DUSP15: variants seen among roughly 807,000 people sequenced by gnomAD.
The protein encoded by DUSP15 is dual specificity phosphatase 15, also known as dual specificity protein phosphatase 15.
Under a neutral mutation model 26.3 loss-of-function variants are expected in DUSP15, and 23 were observed. The observed-to-expected ratio is 0.87, with a 90% CI of 0.63 to 1.24. DUSP15 has a LOEUF of 1.24. Among genes scored for constraint, DUSP15 ranks in the 50% most tolerant of loss-of-function variants. The pLI is 0.00. For synonymous variants in DUSP15, 143 were observed against 135.5 expected, an observed-to-expected ratio of 1.06 and a Z score of -0.39; for missense variants, 364 against 320.6, an observed-to-expected ratio of 1.14 and a Z score of -1.03.
rs770083347 is a variant in DUSP15, at chr20:31,867,106, T to A, written c.103A>T (p.Ile35Phe). 12 of 1,591,224 alleles carry A rather than the reference T, an allele frequency of 7.5e-6. No homozygotes were observed. In the East Asian group the frequency reaches 2.7e-4, roughly 36 times the overall value. ...QLGRNKITHIISIHESPQPLL... is the reference protein window; with the variant it reads ...QLGRNKITHIFSIHESPQPLL... ...GGCTGGGGTGACTCATGGATAGAGA[T>A]GATGTGTGTGATCTTATTTCGGCCC... The change falls in exon 3 of 7, where the codon ATC becomes TTC. Residue 35 changes from isoleucine to phenylalanine, a missense_variant. Transcript: ENST00000339738.
Position 31,869,749 on chromosome 20 carries a change from G to A in DUSP15, c.22-152C>T, listed in dbSNP as rs531479384. The A allele has an allele frequency of 6.2e-5, 92 of 1,488,862 alleles. No individual in the cohort carries two copies. The South Asian group carries it at 1.1e-3, about 18-fold the overall frequency. The allele number at this position is 1,488,862 out of a possible 1,614,324, so 92.2% of individuals were successfully genotyped here. On this transcript the variant is annotated intron_variant, in intron 1 of 6. Coordinates refer to ENST00000339738, the MANE Select transcript of DUSP15 (RefSeq NM_080611.5). The stretch of plus-strand genomic sequence containing the variant: ...CTCTCTTCCCTTTTGTGGGCCCTGA[G>A]TCCTCTGTGAGAGGGGTCTGGGGCT...
In DUSP15 at chr20:31,861,178, A is replaced by G; in HGVS notation, c.*225T>C. ...AGGGTGGGCCCCCTCCCCCAGCCCA[A>G]GGACTAAGGCACCAGGTGGCTGCAG... On this transcript the variant is annotated 3_prime_UTR_variant, in exon 7 of 7. Coordinates refer to ENST00000339738, the MANE Select transcript of DUSP15 (RefSeq NM_080611.5). 1 of 1,333,580 alleles carries G rather than the reference A, an allele frequency of 7.5e-7. No homozygotes were observed. Among genetic ancestry groups the G allele is most frequent in the Non-Finnish European group, 9.5e-7 (1 of 1,048,244 alleles). The allele number at this position is 1,333,580 out of a possible 1,614,324, so 82.6% of individuals were successfully genotyped here.
chr20:31,851,459 C>T (rs1405189180), intron 6 of DUSP15, among the ~76,000 whole-genome samples: 1 of 151,788 alleles, frequency 6.6e-6, no homozygotes, highest in African/African-American at 2.4e-5. Context: ...GTGATGGACC[C>T]AAGGAGGACA....
chr20:31,862,562 C>G lies in DUSP15; in HGVS notation c.435+9G>C. Reference sequence around the variant, plus strand: ...CCTGGCCCAACCCAGCCCTTGACCCCATCCCTACCTTCTGGGAACTGGCCC... The same window carrying G: ...CCTGGCCCAACCCAGCCCTTGACCCGATCCCTACCTTCTGGGAACTGGCCC... On this transcript the variant is annotated intron_variant, in intron 6 of 6. Transcript: ENST00000339738. 1.3e-6 allele frequency: 2 copies of G among 1,598,700 alleles called. No individual in the cohort carries two copies. The highest frequency in any genetic ancestry group is 1.3e-5 in the African/African-American group (1 of 74,840).
upstream of DUSP15, chr20:31,870,545 T>TGCCAACGCCGCCGCC: frequency 6.9e-7 from 1 of 1,454,068 alleles, no homozygotes; most frequent in Admixed American, 2.5e-5. This position sits in a 1 kb window ranked among gnomAD's most constrained non-coding sequence, Gnocchi z 6.6. Flanking sequence ...GAGCCGCCGC[T>TGCCAACGCCGCCGCC]GCCACCGCCG....
downstream of DUSP15, among the ~76,000 whole-genome samples, chr20:31,860,509 G>A (rs185081146): frequency 2.3e-3 from 351 of 152,338 alleles, 2 homozygotes; most frequent in African/African-American, 8.2e-3. Context: ...TCCTTGTCAG[G>A]AACCTCCCAA....
chr20:31,852,734 C>A (rs1186002546), intron 6 of DUSP15, among the ~76,000 whole-genome samples: 1 of 152,128 alleles, frequency 6.6e-6, no homozygotes, highest in African/African-American at 2.4e-5. Context: ...TCGCTTGAAC[C>A]TGGGTGGCGG....
chr20:31,867,014 T>C, intron 3 of DUSP15, 57 bp downstream of exon 3: 1 of 1,483,710 alleles, frequency 6.7e-7, no homozygotes, highest in African/African-American at 1.4e-5. Flanking sequence ...AGATATTTGA[T>C]AAACAGGTCT....
chr20:31,864,575 G>A (rs1369361117), intron 4 of DUSP15: 2 of 565,924 alleles, frequency 3.5e-6, no homozygotes, highest in Non-Finnish European at 4.5e-6. Flanking sequence ...GAGGCCCAGA[G>A]CGGGGAAGTG....
chr20:31,862,625 G>C lies in DUSP15; in HGVS notation c.381C>G (p.Pro127=). 3 of 1,614,110 alleles carry C rather than the reference G, an allele frequency of 1.9e-6. No homozygotes were observed. The highest frequency in any genetic ancestry group is 2.5e-6 in the Non-Finnish European group (3 of 1,180,006). ...AIKATRPIAN[P]NPGFRQQLEE... ...CAAGCTGCTGCCTAAAGCCTGGGTT[G>C]GGGTTGGCGATGGGCCTGGTGGCCT... Residue 127 remains proline (P), a synonymous_variant, in exon 6 of 7, where the codon CCC becomes CCG. Coordinates refer to ENST00000339738, the MANE Select transcript of DUSP15 (RefSeq NM_080611.5).
chr20:31,861,497 G>C lies in DUSP15; in HGVS notation c.614C>G (p.Pro205Arg), dbSNP rs775824817. Residue 205 changes from proline (P) to arginine (R), a missense_variant, in exon 7 of 7, where the codon CCC becomes CGC. Transcript: ENST00000339738. ...GTVQRLVPRT[P>R]REAHRPLPLL... ...CGGCAGCGGCCGGTGGGCTTCCCGGGGCGTGCGCGGCACCAGGCGCTGCAC... is the reference window on the plus strand; with the variant it reads ...CGGCAGCGGCCGGTGGGCTTCCCGGCGCGTGCGCGGCACCAGGCGCTGCAC... 1 of 1,532,076 alleles carries C rather than the reference G, an allele frequency of 6.5e-7. No homozygotes were observed. The highest frequency in any genetic ancestry group is 8.7e-7 in the Non-Finnish European group (1 of 1,148,638). The allele number at this position is 1,532,076 out of a possible 1,614,324, so 94.9% of individuals were successfully genotyped here.
rs1240487643 is a variant in DUSP15, at chr20:31,861,650, A to C, written c.461T>G (p.Phe154Cys). ...CTCGTCGCGGAAGGGGCTCTCGCCGAAGCGCTCCTCCAGCTGCCGGCGAAG... is the reference window on the plus strand; with the variant it reads ...CTCGTCGCGGAAGGGGCTCTCGCCGCAGCGCTCCTCCAGCTGCCGGCGAAG... The part of the protein sequence containing the change: ...QKLRRQLEER[F>C]GESPFRDEEE... The change falls in exon 7 of 7, where the codon TTC (phenylalanine) becomes TGC (cysteine). Residue 154 changes from phenylalanine (F) to cysteine (C), a missense_variant. Phe to Cys is a radical substitution (Grantham distance 205, BLOSUM62 -2). Coordinates refer to ENST00000339738, the MANE Select transcript of DUSP15 (RefSeq NM_080611.5). The C allele has an allele frequency of 2.1e-6, 3 of 1,452,808 alleles. No individual in the cohort carries two copies. The highest frequency in any genetic ancestry group is 3.1e-5 in the East Asian group (1 of 32,052). The allele number at this position is 1,452,808 out of a possible 1,614,324, so 90.0% of individuals were successfully genotyped here.
chr20:31,859,236 A>G (rs1237909548), downstream of DUSP15, among the ~76,000 whole-genome samples: 2 of 146,856 alleles, frequency 1.4e-5, no homozygotes, highest in Non-Finnish European at 3.0e-5. Flanking sequence ...TACTTTGTGG[A>G]TTCTTGGTGG....
downstream of DUSP15, among the ~76,000 whole-genome samples, chr20:31,858,159 G>A (rs1225763063): frequency 6.6e-6 from 1 of 152,152 alleles, no homozygotes; most frequent in Non-Finnish European, 1.5e-5. The surrounding 1 kb of genome is among the most constrained non-coding windows in gnomAD (Gnocchi z 4.4). Flanking sequence ...AGAGTGCTGA[G>A]TCCTGTTGCA....
chr20:31,856,807 T>C (rs546191611), downstream of DUSP15, among the ~76,000 whole-genome samples: 1 of 151,378 alleles, frequency 6.6e-6, no homozygotes, highest in South Asian at 2.1e-4. Flanking sequence ...CATGAGGAAG[T>C]AGGTTCAGAA....
chr20:31,864,292 G>A (rs2062722595), intron 4 of DUSP15: 2 of 1,130,038 alleles, frequency 1.8e-6, no homozygotes, highest in Admixed American at 4.3e-5. Flanking sequence ...AAATGGGTGG[G>A]AGGAAACACA....
At chr20:31,869,467 C>T in intron 2 of DUSP15, 97 bp downstream of exon 2, 1 of 1,509,302 alleles carries the variant, frequency 6.6e-7, no homozygotes, top group East Asian at 2.4e-5. Flanking sequence ...TGCCCCCAAC[C>T]CCATTCCTGA....
chr20:31,864,757 G>A (rs1430176684), intron 4 of DUSP15, among the ~76,000 whole-genome samples, 196 bp downstream of exon 4: 2 of 152,260 alleles, frequency 1.3e-5, no homozygotes, highest in South Asian at 2.1e-4. Flanking sequence ...ACTGAGGCTC[G>A]GGGAGGTGGA....
chr20:31,856,282 G>A (rs1200582069), downstream of DUSP15, among the ~76,000 whole-genome samples: 1 of 152,202 alleles, frequency 6.6e-6, no homozygotes, highest in African/African-American at 2.4e-5. Flanking sequence ...AGACAGATGA[G>A]GCCAGGGAGG....
Sources: allele counts gnomAD v4.1 joint callset (sites outside exome capture counted in the v4.1 genomes callset), GRCh38; gene constraint gnomAD v4.1.1; non-coding constraint Gnocchi (gnomAD v3.1); transcripts MANE v1.5; gene names NCBI Gene and HGNC (gene_info 2026-07-23, HGNC 2026-07-21).